Variants in SNTG1 observed in about 807,000 individuals in gnomAD.
SNTG1 encodes gamma-1-syntrophin.
In SNTG1, 39 loss-of-function variants were observed where a neutral mutation model predicts 74.7. That is an observed-to-expected ratio of 0.52 (90% CI 0.40 to 0.68). The LOEUF (loss-of-function observed/expected upper bound fraction) is 0.68. Among genes scored for constraint, SNTG1 ranks in the 30% least tolerant of loss-of-function variants. The pLI, the probability that SNTG1 is intolerant of heterozygous loss-of-function variation, is 0.00. For synonymous variants in SNTG1, 254 were observed against 217.1 expected (o/e 1.17, Z -1.49); for missense variants, 685 against 609.5 (o/e 1.12, Z -1.30).
At chr8:50,478,317 C>G (rs1417005340) in intron 8 of SNTG1, among the ~76,000 whole-genome samples, 1 of 152,114 alleles carries the variant, frequency 6.6e-6, no homozygotes, top group Non-Finnish European at 1.5e-5. Flanking sequence ...TATTTCTATA[C>G]TTGATGCTTT....
At chr8:50,423,287 T>C (rs571014818) in intron 4 of SNTG1, among the ~76,000 whole-genome samples, 1 of 152,296 alleles carries the variant, frequency 6.6e-6, no homozygotes, top group South Asian at 2.1e-4. Context: ...GTTATGTTTA[T>C]AGCATGTAAA....
intron 8 of SNTG1, among the ~76,000 whole-genome samples, chr8:50,462,985 T>G (rs538311981): frequency 2.0e-5 from 3 of 151,856 alleles, no homozygotes; most frequent in Non-Finnish European, 2.9e-5. Context: ...CCCAGCTAAT[T>G]TTTGTATTTT....
At chr8:50,458,488 A>C (rs927846846) in intron 8 of SNTG1, among the ~76,000 whole-genome samples, 1 of 152,162 alleles carries the variant, frequency 6.6e-6, no homozygotes, top group African/African-American at 2.4e-5. Context: ...ACATTCAATA[A>C]TTTTTACACT....
intron 2 of SNTG1, among the ~76,000 whole-genome samples, chr8:50,210,667 C>T (rs2084477615): frequency 6.6e-6 from 1 of 152,080 alleles, no homozygotes; most frequent in African/African-American, 2.4e-5. Flanking sequence ...CCTTTACAGA[C>T]AAAATATAAA....
At chr8:50,166,886 T>G (rs916416182) in intron 1 of SNTG1, among the ~76,000 whole-genome samples, 8 of 151,282 alleles carry the variant, frequency 5.3e-5, no homozygotes, top group Non-Finnish European at 1.2e-4. Context: ...TGTCCAACAT[T>G]GATAGACTGG....
chr8:50,177,768 G>T (rs74765311), intron 2 of SNTG1, among the ~76,000 whole-genome samples: 3 of 152,140 alleles, frequency 2.0e-5, no homozygotes, highest in Admixed American at 2.0e-4. Context: ...GCTTTGTGTT[G>T]CAGTGTTCTA....
chr8:50,507,262 A>G (rs1267799349), intron 9 of SNTG1, among the ~76,000 whole-genome samples: 3 of 152,040 alleles, frequency 2.0e-5, no homozygotes, highest in Non-Finnish European at 4.4e-5. Context: ...TTGCATTAAT[A>G]TTCATCAGGA....
chr8:50,130,457 G>A (rs906261177), intron 1 of SNTG1, among the ~76,000 whole-genome samples: 1 of 152,018 alleles, frequency 6.6e-6, no homozygotes, highest in African/African-American at 2.4e-5. Context: ...AAATGCCAAA[G>A]GGAAATTGAA....
intron 2 of SNTG1, among the ~76,000 whole-genome samples, chr8:50,242,981 T>A (rs1255708597): frequency 1.3e-5 from 2 of 152,068 alleles, no homozygotes. Flanking sequence ...TTGAGATCTA[T>A]GAGTTTGTCT....
chr8:50,454,103 C>A (rs1021117352), intron 8 of SNTG1, among the ~76,000 whole-genome samples: 5 of 152,200 alleles, frequency 3.3e-5, no homozygotes, highest in Non-Finnish European at 7.3e-5. Context: ...TGATGCTATT[C>A]TCCTTACCAC....
At chr8:50,512,103 C>A (rs1045968910) in intron 9 of SNTG1, among the ~76,000 whole-genome samples, 7 of 152,064 alleles carry the variant, frequency 4.6e-5, no homozygotes, top group African/African-American at 1.4e-4. Context: ...TCTTTTAGTG[C>A]AGGCCTGGTG....
chr8:49,991,211 G>A (rs988954000), intron 1 of SNTG1, among the ~76,000 whole-genome samples: 1 of 152,098 alleles, frequency 6.6e-6, no homozygotes, highest in African/African-American at 2.4e-5. Flanking sequence ...CTTTTTACCT[G>A]CCAGTTGCAA....
chr8:50,276,357 T>C (rs2088101995), intron 2 of SNTG1, among the ~76,000 whole-genome samples: 2 of 147,648 alleles, frequency 1.4e-5, no homozygotes, highest in South Asian at 2.1e-4. Flanking sequence ...AGCACACATA[T>C]ATGTGCAAGT....
At chr8:50,727,768 G>A (rs922601737) in intron 17 of SNTG1, among the ~76,000 whole-genome samples, 1 of 152,138 alleles carries the variant, frequency 6.6e-6, no homozygotes. Context: ...GTCATCCCAA[G>A]AGCTGATCCT....
intron 2 of SNTG1, among the ~76,000 whole-genome samples, chr8:50,229,865 G>T (rs2085528340): frequency 6.6e-6 from 1 of 151,384 alleles, no homozygotes; most frequent in African/African-American, 2.4e-5. Context: ...TAAAATAACA[G>T]AAATCATGCA....
intron 1 of SNTG1, among the ~76,000 whole-genome samples, chr8:50,066,526 T>G (rs1759990663): frequency 6.6e-6 from 1 of 152,184 alleles, no homozygotes; most frequent in Non-Finnish European, 1.5e-5. Context: ...AATAATTAAT[T>G]AAATTCCTTT....
At chr8:50,207,929 G>A (rs536998706) in intron 2 of SNTG1, among the ~76,000 whole-genome samples, 21 of 152,298 alleles carry the variant, frequency 1.4e-4, no homozygotes, top group African/African-American at 4.3e-4. Flanking sequence ...TGATCTCAGA[G>A]ACAGTTTGTT....
Position 50,025,619 on chromosome 8 carries a change from C to T in SNTG1, c.-103+113388C>T, listed in dbSNP as rs146158706. ...ACTCCTGTAGTTGGAAAACCTATGT[C>T]GGTATTTTTAAGCCTTTCGATGGCA... On this transcript the variant is annotated intron_variant, in intron 1 of 18. Transcript: ENST00000642720. Among the ~76,000 whole-genome samples the T allele has an allele frequency of 1.3e-4, 20 of 152,140 alleles. 1 individual carries two copies. In the East Asian group the frequency reaches 1.9e-3, roughly 15 times the overall value.
At chr8:50,565,453 TGTATG>T (rs1238418446) in intron 12 of SNTG1, among the ~76,000 whole-genome samples, 1 of 152,094 alleles carries the variant, frequency 6.6e-6, no homozygotes, top group Non-Finnish European at 1.5e-5. Context: ...GTTCTATAAC[TGTATG>T]TTTTTTGTAA....
Sources: gnomAD v4.1 joint callset for allele counts (sites outside exome capture counted in the v4.1 genomes callset) on GRCh38, gnomAD v4.1.1 for gene constraint, MANE v1.5 for transcripts, NCBI Gene and HGNC (gene_info 2026-07-23, HGNC 2026-07-21) for gene names.